ZNF676: variants seen among roughly 807,000 people sequenced by gnomAD.
The protein encoded by ZNF676 is zinc finger protein 676.
ZNF676 carries 4 observed loss-of-function variants against 6.0 expected under a neutral mutation model. That is an observed-to-expected ratio of 0.67 (90% CI 0.33 to 1.53). The LOEUF is 1.53. Among genes scored for constraint, ZNF676 ranks in the 40% most tolerant of loss-of-function variants. ZNF676 has a pLI of 0.06. For synonymous variants in ZNF676, 198 were observed against 223.1 expected, an observed-to-expected ratio of 0.89 and a Z score of 1.00; for missense variants, 644 against 679.7, an observed-to-expected ratio of 0.95 and a Z score of 0.58.
At chr19:22,207,013 C>A (rs1403422753) in intron 1 of ZNF676, among the ~76,000 whole-genome samples, 2 of 152,140 alleles carry the variant, frequency 1.3e-5, no homozygotes, top group Admixed American at 1.3e-4. Flanking sequence ...TGGAAGCATT[C>A]CTTCTTGAAA....
the ZNF676 span, among the ~76,000 whole-genome samples, chr19:22,233,609 G>C: frequency 6.6e-6 from 1 of 152,192 alleles, no homozygotes; most frequent in African/African-American, 2.4e-5. Flanking sequence ...GTCTTCACTT[G>C]CTACACCTGT....
At position 22,214,641 on chromosome 19, in the gene ZNF676, T is replaced by A. The variant is rs192607241; in HGVS notation, c.3+991A>T. ...AAATCTAATTCAAATGTATTTTTTT[T>A]AAATTACTACATTGGGGGAAAAAAA... On this transcript the variant is annotated intron_variant, in intron 1 of 3. Coordinates refer to the ZNF676 transcript ENST00000650058. Among the ~76,000 whole-genome samples, 906 of 151,414 alleles carry A rather than the reference T, an allele frequency of 6.0e-3. 8 individuals carry two copies. Among genetic ancestry groups the A allele is most frequent in the African/African-American group, 0.02 (840 of 41,172 alleles).
the ZNF676 span, among the ~76,000 whole-genome samples, chr19:22,242,711 A>T: frequency 6.6e-6 from 1 of 151,920 alleles, no homozygotes; most frequent in African/African-American, 2.4e-5. Context: ...GAAGGGAGAG[A>T]TCAGAAAGGA....
rs1318281643 is a variant in ZNF676 at position 22,180,450 on chromosome 19, A to G, written c.1267T>C (p.Cys423Arg). 3 of 1,612,230 alleles carry G rather than the reference A, an allele frequency of 1.9e-6. No homozygotes were observed. Among genetic ancestry groups the G allele is most frequent in the Non-Finnish European group, 1.7e-6 (2 of 1,179,730 alleles). Residue 423 changes from cysteine (C) to arginine (R), a missense_variant, in exon 3 of 3, where the codon TGT becomes CGT. Cys to Arg is a radical substitution (Grantham distance 180, BLOSUM62 -3). This residue lies in a region of ZNF676 where 306 missense variants were observed against 265.4 expected (regional missense o/e 1.15). Coordinates refer to ENST00000397121, the MANE Select transcript of ZNF676 (RefSeq NM_001001411.3). The part of the protein sequence containing the change: ...RIHTGEKPYK[C>R]EECGKAFSWS... ...CTGAAGGCTTTGCCACATTCTTCAC[A>G]CTTGTAGGGTTTCTCTCCAGTATGA...
chr19:22,260,270 G>A, the ZNF676 span, among the ~76,000 whole-genome samples: 1 of 152,156 alleles, frequency 6.6e-6, no homozygotes, highest in Non-Finnish European at 1.5e-5. Flanking sequence ...CAGCAATTTG[G>A]GAGGCTGAGG....
upstream of ZNF676, among the ~76,000 whole-genome samples, chr19:22,201,127 T>C (rs1434878960): frequency 6.6e-6 from 1 of 152,176 alleles, no homozygotes; most frequent in East Asian, 1.9e-4. Flanking sequence ...CCTGATTTGC[T>C]AGCTGTTGGG....
the ZNF676 span, among the ~76,000 whole-genome samples, chr19:22,238,219 T>C: frequency 6.6e-6 from 1 of 152,062 alleles, no homozygotes; most frequent in South Asian, 2.1e-4. Context: ...ACCCGGCTAA[T>C]TTTTGTATTT....
Position 22,179,779 on chromosome 19 carries a change from C to A in ZNF676, c.*171G>T. 1.2e-6 allele frequency: 1 copy of A among 852,124 alleles called. No individual in the cohort carries two copies. The highest frequency in any genetic ancestry group is 2.0e-6 in the Non-Finnish European group (1 of 510,828). The allele number at this position is 852,124 out of a possible 1,614,324, so 52.8% of individuals were successfully genotyped here. Reference sequence around the variant, plus strand: ...GTTGAAGCCTTTGTCACATTCTTCACGTTTGTAGTGTTTCTCTCCAGCATG... The same window carrying A: ...GTTGAAGCCTTTGTCACATTCTTCAAGTTTGTAGTGTTTCTCTCCAGCATG... On this transcript the variant is annotated 3_prime_UTR_variant, in exon 3 of 3. Coordinates refer to ENST00000397121, the MANE Select transcript of ZNF676 (RefSeq NM_001001411.3).
chr19:22,231,207 C>CA, the ZNF676 span, among the ~76,000 whole-genome samples: 61,778 of 148,960 alleles, frequency 0.41, 13,488 homozygotes, highest in African/African-American at 0.57. Context: ...CAAGGTATCA[C>CA]AAAAAAAAAT....
At chr19:22,240,959 A>C in the ZNF676 span, among the ~76,000 whole-genome samples, 73 of 152,040 alleles carry the variant, frequency 4.8e-4, 3 homozygotes, top group African/African-American at 1.6e-3. Flanking sequence ...GAAGTGTAAC[A>C]TCACTTGAGT....
chr19:22,229,159 A>T, the ZNF676 span, among the ~76,000 whole-genome samples: 1 of 152,152 alleles, frequency 6.6e-6, no homozygotes, highest in Admixed American at 6.6e-5. Context: ...AGATATATAG[A>T]CCAATGGAAC....
the ZNF676 span, among the ~76,000 whole-genome samples, chr19:22,257,856 G>T: frequency 3.9e-5 from 6 of 152,146 alleles, no homozygotes; most frequent in African/African-American, 1.4e-4. Flanking sequence ...AGGTGCGTAG[G>T]GCTTAGGAAG....
chr19:22,209,498 T>A (rs1250372986), intron 1 of ZNF676, among the ~76,000 whole-genome samples: 1 of 151,992 alleles, frequency 6.6e-6, no homozygotes, highest in Non-Finnish European at 1.5e-5. Flanking sequence ...GAGGCCTAGT[T>A]GAGGGTGGGA....
At chr19:22,184,217 G>C (rs928806928) in intron 2 of ZNF676, among the ~76,000 whole-genome samples, 6 of 152,140 alleles carry the variant, frequency 3.9e-5, no homozygotes, top group African/African-American at 1.4e-4. Context: ...GTGAGCCGAA[G>C]TGGGGTGCAG....
At chr19:22,245,495 T>G in the ZNF676 span, 1 of 72,050 alleles carries the variant, frequency 1.4e-5, no homozygotes, top group African/African-American at 5.3e-5. Flanking sequence ...CCCAGAGATA[T>G]GTCACAATGC....
rs1332997656 is a variant in ZNF676, at chr19:22,179,331, TGTTA to T, written c.*615_*618del. 5.2e-6 allele frequency: 1 copy of T among 191,158 alleles called. No individual in the cohort carries two copies. Among genetic ancestry groups the T allele is most frequent in the Admixed American group, 5.4e-5 (1 of 18,676 alleles). The allele number at this position is 191,158 out of a possible 1,614,324, so 11.8% of individuals were successfully genotyped here. ...CTATGTTTCTTAAGAATTGAGGATC[TGTTA>T]GAGGCTTTCCCACATTCTTCACACA... On this transcript the variant is annotated 3_prime_UTR_variant, in exon 3 of 3. Transcript: ENST00000397121.
Position 22,179,718 on chromosome 19 carries a change from A to T in ZNF676, c.*232T>A. The stretch of plus-strand genomic sequence containing the variant: ...CGCATTTGTAGGGTTTCTCTCCAGT[A>T]TGAATTCTCTTATGTTCCACAAGGT... On this transcript the variant is annotated 3_prime_UTR_variant, in exon 3 of 3. Transcript: ENST00000397121. The T allele has an allele frequency of 1.3e-6, 1 of 745,520 alleles. No individual in the cohort carries two copies. Among genetic ancestry groups the T allele is most frequent in the East Asian group, 2.5e-5 (1 of 39,478 alleles). The allele number at this position is 745,520 out of a possible 1,614,324, so 46.2% of individuals were successfully genotyped here. A position where few individuals can be genotyped will look rare whatever the true frequency, so the allele number is the denominator to read the frequency against.
rs1375768310 is a variant in ZNF676 at position 22,181,080 on chromosome 19, T to C, written c.637A>G (p.Thr213Ala). The part of the protein sequence containing the change: ...GKAFSKFSIL[T>A]KHKVIHTGEK... Reference sequence around the variant, plus strand: ...CCAGTATGAATTACCTTATGTTTAGTAAGGATTGAGAACTTACTAAAGGCT... The same window carrying C: ...CCAGTATGAATTACCTTATGTTTAGCAAGGATTGAGAACTTACTAAAGGCT... Residue 213 changes from threonine to alanine, a missense_variant, in exon 3 of 3, where the codon ACT (threonine) becomes GCT (alanine). By Grantham distance (58) the Thr-to-Ala change is moderately conservative. This residue lies in a region of ZNF676 where 280 missense variants were observed against 269.3 expected (regional missense o/e 1.04). Coordinates refer to ENST00000397121, the MANE Select transcript of ZNF676 (RefSeq NM_001001411.3). 6 of 1,598,798 alleles carry C rather than the reference T, an allele frequency of 3.8e-6. No homozygotes were observed. In the Admixed American group the frequency reaches 1.0e-4, roughly 27 times the overall value.
At chr19:22,217,265 C>A (rs182527104), upstream of ZNF676, among the ~76,000 whole-genome samples, 2 of 152,188 alleles carry the variant, frequency 1.3e-5, no homozygotes, top group African/African-American at 4.8e-5. Flanking sequence ...TACAGTGGCG[C>A]GATCTCAGCT....
Sources: gnomAD v4.1 joint callset for allele counts (sites outside exome capture counted in the v4.1 genomes callset) on GRCh38, gnomAD v4.1.1 for gene constraint, gnomAD v4.1.1 regional missense constraint, MANE v1.5 for transcripts, NCBI Gene and HGNC (gene_info 2026-07-23, HGNC 2026-07-21) for gene names.